PCNT: variants seen among roughly 807,000 people sequenced by gnomAD.
The protein encoded by PCNT is kendrin.
Under a neutral mutation model 380.4 loss-of-function variants are expected in PCNT, and 319 were observed. The ratio of observed to expected loss-of-function variants is 0.84; its 90% confidence interval spans 0.77 to 0.92. The LOEUF (loss-of-function observed/expected upper bound fraction) is 0.92, where lower values mean the gene tolerates loss of function less well. Among genes scored for constraint, PCNT ranks in the 40% least tolerant of loss-of-function variants. The probability of loss-of-function intolerance (pLI) is 0.00; values close to 1 mark genes in which losing one functional copy is unlikely to be tolerated. For synonymous variants in PCNT, 1,845 were observed against 1,735.2 expected (o/e 1.06, Z -1.57); for missense variants, 4,400 against 4,255.3 (o/e 1.03, Z -0.95).
chr21:46,354,604 G>C (rs1029660738), intron 11 of PCNT, among the ~76,000 whole-genome samples: 1 of 152,202 alleles, frequency 6.6e-6, no homozygotes, highest in Non-Finnish European at 1.5e-5. Context: ...GAGCAAGCCC[G>C]GTGTCGGGCT....
rs369860393 is a variant in PCNT, at chr21:46,346,970, G to C, written c.948G>C (p.Glu316Asp). ...AGCAGCACGCACGGGAGAAGGAGGA[G>C]GTGGTGCTCAGGTGTGGACAGGAAG... ...LREQHAREKEEVVLRCGQEAA... is the reference protein window; with the variant it reads ...LREQHAREKEDVVLRCGQEAA... The change falls in exon 5 of 47, where the codon GAG (glutamate) becomes GAC (aspartate). Residue 316 changes from glutamate to aspartate, a missense_variant. Coordinates refer to ENST00000359568, the MANE Select transcript of PCNT (RefSeq NM_006031.6). 26 of 1,596,690 alleles carry C rather than the reference G, an allele frequency of 1.6e-5. No individual in the cohort carries two copies. Among genetic ancestry groups the C allele is most frequent in the Middle Eastern group, 2.1e-4 (1 of 4,784 alleles).
At chr21:46,442,470 A>T in intron 43 of PCNT, 27 bp from the exon 44 acceptor site, 1 of 1,443,670 alleles carries the variant, frequency 6.9e-7, no homozygotes, top group Non-Finnish European at 9.8e-7. Context: ...CGTACTTTTA[A>T]GTGTGTCTTG....
Position 46,388,742 on chromosome 21 carries a change from A to G in PCNT, c.3465A>G (p.Arg1155=). The change falls in exon 18 of 47, where the codon AGA becomes AGG. Residue 1155 remains arginine, a splice_region_variant and synonymous_variant. Coordinates refer to ENST00000359568, the MANE Select transcript of PCNT (RefSeq NM_006031.6). The surrounding 1 kb of genome is among the most constrained non-coding windows in gnomAD (Gnocchi z 4.2). ...KADVNLSHSE[R]GALQDALRRL... ...TGATGATGGGTGTCTCCTGTCTCAG[A>G]GGGGCCCTCCAGGACGCCCTGCGCA... 6.2e-7 allele frequency: 1 copy of G among 1,613,722 alleles called. No homozygotes were observed. Among genetic ancestry groups the G allele is most frequent in the South Asian group, 1.1e-5 (1 of 91,080 alleles).
chr21:46,325,220 G>A, intron 1 of PCNT: 1 of 983,992 alleles, frequency 1.0e-6, no homozygotes. Flanking sequence ...GGTGCGCGCC[G>A]CTCCCCCCCA....
chr21:46,402,867 C>CT (rs1484128540), intron 27 of PCNT, among the ~76,000 whole-genome samples: 4 of 152,092 alleles, frequency 2.6e-5, no homozygotes, highest in African/African-American at 9.7e-5. Context: ...TCTCTTCCCA[C>CT]TGGCATGATG....
Position 46,363,682 on chromosome 21 carries a change from T to C in PCNT, c.2357T>C (p.Ile786Thr), listed in dbSNP as rs772038355. The stretch of plus-strand genomic sequence containing the variant: ...GCTGAATCCGAGAAACAGACCATCA[T>C]AAACAAGTTTGAGCTTCGAGAAGCT... ...EKAESEKQTI[I>T]NKFELREAEM... The change falls in exon 14 of 47, where the codon ATA becomes ACA. Residue 786 changes from isoleucine (I) to threonine (T), a missense_variant. By Grantham distance (89) the Ile-to-Thr change is moderately conservative. Coordinates refer to ENST00000359568, the MANE Select transcript of PCNT (RefSeq NM_006031.6). 1.2e-6 allele frequency: 2 copies of C among 1,614,218 alleles called. No individual in the cohort carries two copies. Among genetic ancestry groups the C allele is most frequent in the Admixed American group, 1.7e-5 (1 of 60,024 alleles).
rs1017291360 is a variant in PCNT, at chr21:46,388,455, G to A, written c.3465-287G>A. On this transcript the variant is annotated intron_variant, in intron 17 of 46. Transcript: ENST00000359568. This position sits in a 1 kb window ranked among gnomAD's most constrained non-coding sequence, Gnocchi z 4.2. ...CGGCCACATCGCACACCTGCGGGAC[G>A]GGTTTGCCGTGTTCCTAATGTGATG... Among the ~76,000 whole-genome samples the A allele has an allele frequency of 7.2e-5, 11 of 152,186 alleles. No homozygotes were observed. Among genetic ancestry groups the A allele is most frequent in the African/African-American group, 2.7e-4 (11 of 41,462 alleles).
At chr21:46,402,546 C>T in intron 27 of PCNT, 63 bp downstream of exon 27, 1 of 1,552,514 alleles carries the variant, frequency 6.4e-7, no homozygotes. Flanking sequence ...GCCGAGCGGC[C>T]ACCAAGACCC....
rs1324866845 is a variant in PCNT, at chr21:46,366,578, C to T, written c.2610-6C>T. 2 of 1,613,106 alleles carry T rather than the reference C, an allele frequency of 1.2e-6. No homozygotes were observed. The highest frequency in any genetic ancestry group is 1.1e-5 in the South Asian group (1 of 91,024). On this transcript the variant is annotated splice_region_variant and splice_polypyrimidine_tract_variant and intron_variant, in intron 14 of 46. Transcript: ENST00000359568. The stretch of plus-strand genomic sequence containing the variant: ...TAACTGTCCTGTGTTCACTTTGTTG[C>T]CGCAGGTTTTTAGAGGAACGTAAAG...
At chr21:46,384,219 C>G (rs1275928815) in intron 16 of PCNT, among the ~76,000 whole-genome samples, 1 of 146,922 alleles carries the variant, frequency 6.8e-6, no homozygotes, top group African/African-American at 2.5e-5. Context: ...AGCGCATTCA[C>G]GGTGTTGTGC....
At chr21:46,440,531 C>T (rs1463037817) in intron 42 of PCNT, among the ~76,000 whole-genome samples, 4 of 152,228 alleles carry the variant, frequency 2.6e-5, no homozygotes, top group Non-Finnish European at 5.9e-5. Context: ...TGATGGCACA[C>T]GGTCCCCACC....
chr21:46,339,887 A>G (rs558834013), intron 3 of PCNT, among the ~76,000 whole-genome samples: 1 of 152,258 alleles, frequency 6.6e-6, no homozygotes, highest in East Asian at 1.9e-4. Context: ...TGTGTGGATG[A>G]TGCTTTTCTC....
chr21:46,344,966 G>C (rs1424649682), intron 3 of PCNT, among the ~76,000 whole-genome samples: 1 of 152,194 alleles, frequency 6.6e-6, no homozygotes, highest in African/African-American at 2.4e-5. Flanking sequence ...TTGTGACTGT[G>C]GTGGCACTGA....
intron 38 of PCNT, among the ~76,000 whole-genome samples, chr21:46,434,495 T>G (rs1385168469): frequency 6.6e-6 from 1 of 152,242 alleles, no homozygotes; most frequent in Non-Finnish European, 1.5e-5. Flanking sequence ...TGTCTTTGTG[T>G]TGTCACAAGG....
At chr21:46,347,417 G>A in intron 5 of PCNT, 40 bp from the exon 6 acceptor site, 1 of 1,610,392 alleles carries the variant, frequency 6.2e-7, no homozygotes, top group Non-Finnish European at 8.5e-7. Flanking sequence ...TGAAAAGGTT[G>A]AGATGGAGTG....
chr21:46,356,585 C>G (rs549856861), intron 12 of PCNT, among the ~76,000 whole-genome samples: 5 of 152,370 alleles, frequency 3.3e-5, no homozygotes, highest in African/African-American at 1.2e-4. Context: ...CAGGCCCTGT[C>G]CTTGTGGCTG....
At chr21:46,389,456 T>C (rs947740572) in intron 19 of PCNT, 25 bp downstream of exon 19, 1 of 1,581,802 alleles carries the variant, frequency 6.3e-7, no homozygotes, top group African/African-American at 1.3e-5. Flanking sequence ...CCCGGGGTCC[T>C]GTGGAGATGT....
intron 2 of PCNT, among the ~76,000 whole-genome samples, chr21:46,332,487 A>T (rs1015264046): frequency 3.3e-5 from 5 of 152,234 alleles, no homozygotes; most frequent in Non-Finnish European, 5.9e-5. Flanking sequence ...TGACACACAA[A>T]CATTAGAAGT....
chr21:46,333,618 A>C (rs542705399), intron 2 of PCNT, among the ~76,000 whole-genome samples: 1 of 149,524 alleles, frequency 6.7e-6, no homozygotes, highest in Non-Finnish European at 1.5e-5. Flanking sequence ...AAAAAATTAC[A>C]GGCTGGGCAC....
Sources: allele counts gnomAD v4.1 joint callset (sites outside exome capture counted in the v4.1 genomes callset), GRCh38; gene constraint gnomAD v4.1.1; non-coding constraint Gnocchi (gnomAD v3.1); transcripts MANE v1.5; gene names NCBI Gene and HGNC (gene_info 2026-07-23, HGNC 2026-07-21).